CUL3: variants seen among roughly 807,000 people sequenced by gnomAD.
CUL3 encodes the protein cullin 3, also known as cullin-3.
In CUL3, 19 loss-of-function variants were observed where a neutral mutation model predicts 89.1. The ratio of observed to expected loss-of-function variants is 0.21; its 90% CI spans 0.15 to 0.31. The LOEUF (loss-of-function observed/expected upper bound fraction) is 0.31. Ranked by LOEUF, CUL3 falls within the 10% of genes least tolerant of loss-of-function variation. CUL3 has a pLI of 1.00. For missense variants in CUL3, 469 were observed against 942.3 expected (o/e 0.50, Z 6.58); for synonymous variants, 351 against 308.4 (o/e 1.14, Z -1.45).
In CUL3 at chr2:224,471,605, A is replaced by G; in HGVS notation, c.*2640T>C. 1 of 206,640 alleles carries G rather than the reference A, an allele frequency of 4.8e-6. No homozygotes were observed. Among genetic ancestry groups the G allele is most frequent in the Non-Finnish European group, 9.9e-6 (1 of 101,198 alleles). 12.8% of individuals were successfully genotyped at this position (206,640 alleles called of 1,614,324 possible). A position where few individuals can be genotyped will look rare whatever the true frequency, so the allele number is the denominator to read the frequency against. ...ATTACAATGCTACACAGGTGACTCT[A>G]GCATACCTTTAGAAAGGCATGCATC... is the stretch of plus-strand genomic sequence containing the variant. On this transcript the variant is annotated 3_prime_UTR_variant, in exon 16 of 16. Coordinates refer to ENST00000264414, the MANE Select transcript of CUL3 (RefSeq NM_003590.5).
intron 2 of CUL3, among the ~76,000 whole-genome samples, chr2:224,536,457 A>T (rs576643396): frequency 6.6e-6 from 1 of 152,250 alleles, no homozygotes; most frequent in Admixed American, 6.5e-5. Flanking sequence ...CTACTATATT[A>T]GTTTATTTGT....
At chr2:224,553,964 G>A (rs974509031) in intron 2 of CUL3, among the ~76,000 whole-genome samples, 7 of 152,152 alleles carry the variant, frequency 4.6e-5, no homozygotes, top group Non-Finnish European at 1.0e-4. Flanking sequence ...TTCTCATGGA[G>A]TGACTGCTCA....
intron 1 of CUL3, among the ~76,000 whole-genome samples, chr2:224,573,242 G>T: frequency 6.6e-6 from 1 of 152,058 alleles, no homozygotes; most frequent in South Asian, 2.1e-4. Context: ...TAACTTCAAG[G>T]AATCACTTTT....
At chr2:224,502,231 A>C (rs1358804043) in intron 10 of CUL3, among the ~76,000 whole-genome samples, 3 of 152,222 alleles carry the variant, frequency 2.0e-5, no homozygotes, top group Non-Finnish European at 4.4e-5. Flanking sequence ...AAGACTCACA[A>C]ATCTGTTAAA....
Position 224,500,384 on chromosome 2 carries a change from T to C in CUL3, c.1589A>G (p.His530Arg). ...PKCNIPPAPR[H>R]AFEIFRRFYL... ...TTACCTTCTGAATATCTCAAAAGCA[T>C]GTCTTGGTGCTGGTGGGATGTTGCA... Residue 530 changes from histidine (H) to arginine (R), a missense_variant, in exon 11 of 16, where the codon CAT (histidine) becomes CGT (arginine). Physicochemically the swap from His to Arg is conservative, Grantham distance 29. This residue lies in a region of CUL3 where 370 missense variants were observed against 733.2 expected (regional missense o/e 0.50). Coordinates refer to ENST00000264414, the MANE Select transcript of CUL3 (RefSeq NM_003590.5). 2 of 1,614,126 alleles carry C rather than the reference T, an allele frequency of 1.2e-6. No individual in the cohort carries two copies. The highest frequency in any genetic ancestry group is 1.1e-5 in the South Asian group (1 of 91,086).
chr2:224,579,898 T>C (rs1695394961), intron 1 of CUL3, among the ~76,000 whole-genome samples: 1 of 152,154 alleles, frequency 6.6e-6, no homozygotes, highest in Non-Finnish European at 1.5e-5. Context: ...CCTCTCCAAT[T>C]CTAATCAAGC....
At chr2:224,505,714 G>C (rs1692573877) in intron 8 of CUL3, 1 of 231,696 alleles carries the variant, frequency 4.3e-6, no homozygotes, top group African/African-American at 2.3e-5. Context: ...GGGATTATAG[G>C]CATGAGCCAC....
intron 8 of CUL3, 102 bp from the exon 9 acceptor site, chr2:224,503,924 A>G (rs1692491362): frequency 4.5e-6 from 4 of 893,498 alleles, no homozygotes; most frequent in Admixed American, 3.5e-5. Context: ...GAAAACATAG[A>G]TATCTGGTTG....
At chr2:224,554,542 G>A (rs1694633976) in intron 2 of CUL3, among the ~76,000 whole-genome samples, 2 of 152,052 alleles carry the variant, frequency 1.3e-5, no homozygotes, top group South Asian at 2.1e-4. Context: ...ATTCAGTTCC[G>A]GCTAGGCCAC....
intron 1 of CUL3, among the ~76,000 whole-genome samples, chr2:224,579,429 T>A (rs1695384592): frequency 1.3e-5 from 2 of 151,400 alleles, no homozygotes; most frequent in Admixed American, 1.3e-4. Context: ...AAACCTACTA[T>A]GAAGATGAAA....
intron 1 of CUL3, among the ~76,000 whole-genome samples, chr2:224,584,152 G>A (rs943789647): frequency 2.0e-5 from 3 of 152,138 alleles, no homozygotes; most frequent in African/African-American, 7.2e-5. Flanking sequence ...AAAAGTTTCT[G>A]AGCAGAACAC....
At chr2:224,566,833 T>G (rs553528433) in intron 1 of CUL3, among the ~76,000 whole-genome samples, 1 of 152,212 alleles carries the variant, frequency 6.6e-6, no homozygotes, top group African/African-American at 2.4e-5. Context: ...ATATTCAATA[T>G]GAGATAAAAA....
intron 14 of CUL3, 35 bp downstream of exon 14, chr2:224,481,857 T>C (rs1459132906): frequency 7.2e-7 from 1 of 1,380,482 alleles, no homozygotes. Context: ...GAAAAATATA[T>C]AATTTTTTGA....
At chr2:224,546,787 T>C (rs922590051) in intron 2 of CUL3, among the ~76,000 whole-genome samples, 7 of 152,092 alleles carry the variant, frequency 4.6e-5, no homozygotes, top group African/African-American at 1.7e-4. Flanking sequence ...CCTAACATCA[T>C]TTCTCTTCCA....
intron 7 of CUL3, 24 bp downstream of exon 7, chr2:224,506,834 A>G (rs758238252): frequency 1.2e-6 from 2 of 1,609,538 alleles, no homozygotes; most frequent in East Asian, 4.5e-5. Context: ...TCATAAACAC[A>G]GAGAATCTTC....
At position 224,585,149 on chromosome 2, in the gene CUL3, G is replaced by A. The variant is rs1574715440; in HGVS notation, c.-140C>T. On this transcript the variant is annotated 5_prime_UTR_variant, in exon 1 of 16. Coordinates refer to ENST00000264414, the MANE Select transcript of CUL3 (RefSeq NM_003590.5). Reference sequence around the variant, plus strand: ...CCGGGCAGGGCTGGGGAGCTGGCCGGCCCCTGGGCAGCCGCGGCGGCGGCG... The same window carrying A: ...CCGGGCAGGGCTGGGGAGCTGGCCGACCCCTGGGCAGCCGCGGCGGCGGCG... 6 of 454,570 alleles carry A rather than the reference G, an allele frequency of 1.3e-5. No homozygotes were observed. In the East Asian group the frequency reaches 4.4e-4, roughly 33 times the overall value. 28.2% of individuals were successfully genotyped at this position (454,570 alleles called of 1,614,324 possible).
chr2:224,518,236 T>C (rs1693137448), intron 3 of CUL3, among the ~76,000 whole-genome samples: 1 of 152,198 alleles, frequency 6.6e-6, no homozygotes, highest in Admixed American at 6.5e-5. Flanking sequence ...TATGTAATCT[T>C]TGGTGTCTGA....
chr2:224,560,016 G>T (rs1349107887), intron 1 of CUL3, among the ~76,000 whole-genome samples: 2 of 152,126 alleles, frequency 1.3e-5, no homozygotes, highest in African/African-American at 2.4e-5. Flanking sequence ...CCGGGAGGTC[G>T]AGGCTGCAGT....
At chr2:224,577,967 A>G (rs1322121671) in intron 1 of CUL3, among the ~76,000 whole-genome samples, 1 of 152,188 alleles carries the variant, frequency 6.6e-6, no homozygotes, top group East Asian at 1.9e-4. Flanking sequence ...TAAGCAAATT[A>G]TTTAGCCTCT....
Sources: gnomAD v4.1 joint callset for allele counts (sites outside exome capture counted in the v4.1 genomes callset) on GRCh38, gnomAD v4.1.1 for gene constraint, gnomAD v4.1.1 regional missense constraint, MANE v1.5 for transcripts, NCBI Gene and HGNC (gene_info 2026-07-23, HGNC 2026-07-21) for gene names.